ADARB2: variants seen among roughly 807,000 people sequenced by gnomAD.
ADARB2 encodes the protein adenosine deaminase RNA specific B2 (inactive), also known as inactive double-stranded RNA-specific editase B2.
ADARB2 carries 25 observed loss-of-function variants against 62.2 expected under a neutral mutation model. That is an observed-to-expected ratio of 0.40 (90% CI 0.29 to 0.56). ADARB2 has a LOEUF of 0.56. Among genes scored for constraint, ADARB2 ranks in the 20% least tolerant of loss-of-function variants. The pLI, the probability that ADARB2 is intolerant of heterozygous loss-of-function variation, is 0.43. For synonymous variants in ADARB2, 572 were observed against 500.8 expected, an observed-to-expected ratio of 1.14 and a Z score of -1.90; for missense variants, 1,071 against 1,077.4, an observed-to-expected ratio of 0.99 and a Z score of 0.08.
At chr10:1,507,879 G>C (rs146433294) in intron 1 of ADARB2, among the ~76,000 whole-genome samples, 17 of 152,276 alleles carry the variant, frequency 1.1e-4, no homozygotes, top group Admixed American at 7.2e-4. Flanking sequence ...CCTTCTTGCC[G>C]TCTTCTCCAG....
chr10:1,362,765 C>CT (rs1368236293), intron 3 of ADARB2, among the ~76,000 whole-genome samples: 2 of 152,252 alleles, frequency 1.3e-5, no homozygotes, highest in African/African-American at 4.8e-5. Flanking sequence ...GTCCCTCCCC[C>CT]TGCAGACAGA....
Position 1,288,988 on chromosome 10 carries a change from T to C in ADARB2, c.1078-17919A>G, listed in dbSNP as rs140274920. Among the ~76,000 whole-genome samples the C allele has an allele frequency of 5.5e-4, 84 of 152,184 alleles. 1 individual carries two copies. Among genetic ancestry groups the C allele is most frequent in the African/African-American group, 1.9e-3 (77 of 41,518 alleles). On this transcript the variant is annotated intron_variant, in intron 3 of 9. Transcript: ENST00000381312. Reference sequence around the variant, plus strand: ...ACATGATGGAAGAGGGGGTCGGACATGCCTCATGATACCTCCCTCCATTGT... The same window carrying C: ...ACATGATGGAAGAGGGGGTCGGACACGCCTCATGATACCTCCCTCCATTGT...
chr10:1,601,674 C>T (rs969758681), intron 1 of ADARB2, among the ~76,000 whole-genome samples: 3 of 152,118 alleles, frequency 2.0e-5, no homozygotes, highest in Non-Finnish European at 4.4e-5. Context: ...GTCCAAGGAA[C>T]GTTGGTGGGA....
intron 1 of ADARB2, among the ~76,000 whole-genome samples, chr10:1,422,859 C>G (rs1372437220): frequency 1.3e-5 from 2 of 152,182 alleles, no homozygotes; most frequent in Non-Finnish European, 2.9e-5. Flanking sequence ...CAAACTCCGC[C>G]TGGGGTCTAC....
intron 1 of ADARB2, among the ~76,000 whole-genome samples, chr10:1,462,531 C>T (rs1564296527): frequency 6.6e-6 from 1 of 151,966 alleles, no homozygotes; most frequent in Non-Finnish European, 1.5e-5. Context: ...CTGTATGTGC[C>T]TGTGTGTATG....
chr10:1,204,053 G>A (rs1837018933), intron 7 of ADARB2, among the ~76,000 whole-genome samples: 1 of 152,146 alleles, frequency 6.6e-6, no homozygotes, highest in African/African-American at 2.4e-5. Flanking sequence ...TCACGGCATT[G>A]GAAGAGCACA....
In ADARB2 at chr10:1,270,986, A is replaced by G. The variant is rs1391541098; in HGVS notation, c.1161T>C (p.His387=). Residue 387 remains histidine, a synonymous_variant, in exon 4 of 10, where the codon CAT becomes CAC. Coordinates refer to ENST00000381312, the MANE Select transcript of ADARB2 (RefSeq NM_018702.4). ...TTDLTPMHAR[H]KALAGIVMTK... ...TCATGACGATTCCTGCCAGCGCTTTATGGCGGGCGTGCATGGGCGTGAGGT... is the reference window on the plus strand; with the variant it reads ...TCATGACGATTCCTGCCAGCGCTTTGTGGCGGGCGTGCATGGGCGTGAGGT... 6.2e-7 allele frequency: 1 copy of G among 1,612,910 alleles called. No homozygotes were observed. Among genetic ancestry groups the G allele is most frequent in the Admixed American group, 1.7e-5 (1 of 59,892 alleles).
In ADARB2 at chr10:1,356,060, GT is replaced by G. The variant is rs201993703; in HGVS notation, c.1077+6967del. On this transcript the variant is annotated intron_variant, in intron 3 of 9. Transcript: ENST00000381312. ...CTCATTAAGGAAGGATTTTCTGAAA[GT>G]TTTTTTTTCCATGTGTAATGACAAT... is the stretch of plus-strand genomic sequence containing the variant. 5.1e-3 allele frequency among the ~76,000 whole-genome samples: 780 copies of G among 151,754 alleles called. 7 individuals are homozygous for G. Among genetic ancestry groups the G allele is most frequent in the African/African-American group, 0.017 (718 of 41,372 alleles).
chr10:1,681,790 G>A (rs373464972), intron 1 of ADARB2, among the ~76,000 whole-genome samples: 19 of 152,264 alleles, frequency 1.2e-4, no homozygotes, highest in South Asian at 6.2e-4. Context: ...ATCAAATACC[G>A]TCACCCAGTG....
chr10:1,637,898 T>C (rs563182515), intron 1 of ADARB2, among the ~76,000 whole-genome samples: 1 of 152,314 alleles, frequency 6.6e-6, no homozygotes, highest in African/African-American at 2.4e-5. Flanking sequence ...AAAGTAGAAA[T>C]TAAAATGGAA....
intron 1 of ADARB2, among the ~76,000 whole-genome samples, chr10:1,598,162 C>A (rs1379434993): frequency 6.6e-6 from 1 of 152,184 alleles, no homozygotes; most frequent in African/African-American, 2.4e-5. Flanking sequence ...ATGTCACCTG[C>A]TGGGTGCCCT....
chr10:1,650,926 G>T (rs10903535), intron 1 of ADARB2, among the ~76,000 whole-genome samples: 42,610 of 152,070 alleles, frequency 0.28, 7,124 homozygotes, highest in East Asian at 0.43. Context: ...TCATGTGAGG[G>T]CTGGCCAGCC....
chr10:1,711,653 G>A (rs1834950028), intron 1 of ADARB2, among the ~76,000 whole-genome samples: 2 of 152,192 alleles, frequency 1.3e-5, no homozygotes, highest in Admixed American at 1.3e-4. Flanking sequence ...GAACACAGTT[G>A]TGTCTTGTAT....
chr10:1,678,755 G>T (rs1196749346), intron 1 of ADARB2, among the ~76,000 whole-genome samples: 2 of 152,128 alleles, frequency 1.3e-5, no homozygotes, highest in East Asian at 3.9e-4. Context: ...GGCAGTAAGT[G>T]TGGCCCCTTC....
chr10:1,328,276 T>C (rs1183366341), intron 3 of ADARB2, among the ~76,000 whole-genome samples: 1 of 152,148 alleles, frequency 6.6e-6, no homozygotes. Flanking sequence ...CTGACTGTAG[T>C]CAACGAAGGG....
intron 3 of ADARB2, among the ~76,000 whole-genome samples, chr10:1,359,063 A>AT (rs1216005884): frequency 6.6e-6 from 1 of 152,030 alleles, no homozygotes; most frequent in Non-Finnish European, 1.5e-5. Context: ...AGGTTTTGTG[A>AT]TTTTATCATT....
At chr10:1,654,580 C>T (rs1484917995) in intron 1 of ADARB2, among the ~76,000 whole-genome samples, 1 of 152,256 alleles carries the variant, frequency 6.6e-6, no homozygotes, top group East Asian at 1.9e-4. Context: ...GGCTCACTCC[C>T]CAGCTTCCCA....
In ADARB2 at chr10:1,257,382, A is replaced by G. The variant is rs758698230; in HGVS notation, c.1192+13573T>C. On this transcript the variant is annotated intron_variant, in intron 4 of 9. Coordinates refer to ENST00000381312, the MANE Select transcript of ADARB2 (RefSeq NM_018702.4). ...CCTCCCTGAGCCACCTGTTGCCAGG[A>G]TGGCCCCAAAGCTGAGACTGCTTTC... is the stretch of plus-strand genomic sequence containing the variant. Among the ~76,000 whole-genome samples the G allele has an allele frequency of 3.9e-5, 6 of 152,304 alleles. No homozygotes were observed. The South Asian group carries it at 8.3e-4, about 21-fold the overall frequency.
chr10:1,566,327 G>T (rs966067104), intron 1 of ADARB2, among the ~76,000 whole-genome samples: 6 of 152,100 alleles, frequency 3.9e-5, no homozygotes, highest in Admixed American at 2.6e-4. Flanking sequence ...TTTAGAAAAG[G>T]ATTCATATTT....
Sources: allele counts gnomAD v4.1 joint callset (sites outside exome capture counted in the v4.1 genomes callset), GRCh38; gene constraint gnomAD v4.1.1; transcripts MANE v1.5; gene names NCBI Gene and HGNC (gene_info 2026-07-23, HGNC 2026-07-21).